FKBP4: variants seen among roughly 807,000 people sequenced by gnomAD.
FKBP4 encodes the protein FKBP prolyl isomerase 4.
Under a neutral mutation model 54.1 loss-of-function variants are expected in FKBP4, and 28 were observed. The ratio of observed to expected loss-of-function variants is 0.52; its 90% CI spans 0.38 to 0.71. The LOEUF (loss-of-function observed/expected upper bound fraction) is 0.71. Ranked by LOEUF, FKBP4 falls within the 30% of genes least tolerant of loss-of-function variation. The probability of loss-of-function intolerance (pLI) is 0.00; values close to 1 mark genes in which losing one functional copy is unlikely to be tolerated. For missense variants in FKBP4, 493 were observed against 574.4 expected (o/e 0.86, Z 1.45); for synonymous variants, 223 against 216.1 (o/e 1.03, Z -0.28).
chr12:2,796,371 A>T, intron 1 of FKBP4: 1 of 1,289,142 alleles, frequency 7.8e-7, no homozygotes, highest in Non-Finnish European at 1.0e-6. Flanking sequence ...TATTCCAGGA[A>T]AGCTCATTTC....
chr12:2,795,171 G>A lies in FKBP4; in HGVS notation c.32G>A (p.Ser11Asn). MTAEEMKATESGAQSAPLPME... is the reference protein window; with the variant it reads MTAEEMKATENGAQSAPLPME... ...GCCGAGGAGATGAAGGCGACCGAGA[G>A]CGGGGCGCAGTCGGCGCCGCTGCCC... The change falls in exon 1 of 10, where the codon AGC (serine) becomes AAC (asparagine). Residue 11 changes from serine (S) to asparagine (N), a missense_variant. Coordinates refer to ENST00000001008, the MANE Select transcript of FKBP4 (RefSeq NM_002014.4). This position sits in a 1 kb window ranked among gnomAD's most constrained non-coding sequence, Gnocchi z 4.3. The A allele has an allele frequency of 2.3e-6, 3 of 1,317,046 alleles. No homozygotes were observed. Among genetic ancestry groups the A allele is most frequent in the Non-Finnish European group, 2.9e-6 (3 of 1,024,648 alleles). 81.6% of individuals were successfully genotyped at this position (1,317,046 alleles called of 1,614,324 possible). A position where few individuals can be genotyped will look rare whatever the true frequency, so the allele number is the denominator to read the frequency against.
At chr12:2,796,241 G>A (rs1209065115) in intron 1 of FKBP4, 13 of 1,289,246 alleles carry the variant, frequency 1.0e-5, no homozygotes, top group East Asian at 5.5e-5. Context: ...ACCTGGTCCA[G>A]AAGTGCATCT....
At chr12:2,799,383 A>C in intron 5 of FKBP4, 139 bp downstream of exon 5, 5 of 922,960 alleles carry the variant, frequency 5.4e-6, no homozygotes, top group Non-Finnish European at 7.6e-6. Flanking sequence ...TCCTCAGTGT[A>C]CTTAGAAGTA....
At chr12:2,801,683 G>C (rs767123147) in intron 9 of FKBP4, 1 of 485,062 alleles carries the variant, frequency 2.1e-6, no homozygotes, top group Non-Finnish European at 4.1e-6. Flanking sequence ...GAACCCAGTA[G>C]GTAGAGACCT....
intron 1 of FKBP4, 62 bp from the exon 2 acceptor site, chr12:2,797,076 A>T (rs1055857757): frequency 3.7e-6 from 6 of 1,600,624 alleles, no homozygotes; most frequent in Non-Finnish European, 5.1e-6. Flanking sequence ...GCTTGCAGGC[A>T]GTGCTGGTGC....
chr12:2,799,165 C>T lies in FKBP4; in HGVS notation c.592C>T (p.Leu198=), dbSNP rs1410448061. 6.3e-7 allele frequency: 1 copy of T among 1,595,212 alleles called. No individual in the cohort carries two copies. Among genetic ancestry groups the T allele is most frequent in the South Asian group, 1.1e-5 (1 of 87,946 alleles). ...CTTTGAGATTGGCGAGGGGGAGAACCTGGATCTGCCTTATGGTCTGGAGAG... is the reference window on the plus strand; with the variant it reads ...CTTTGAGATTGGCGAGGGGGAGAACTTGGATCTGCCTTATGGTCTGGAGAG... ...LRFEIGEGEN[L]DLPYGLERAI... Residue 198 remains leucine (L), a synonymous_variant, in exon 5 of 10, where the codon CTG becomes TTG. Coordinates refer to ENST00000001008, the MANE Select transcript of FKBP4 (RefSeq NM_002014.4).
At position 2,803,145 on chromosome 12, in the gene FKBP4, T is replaced by C. The variant is rs1565398764; in HGVS notation, c.1273-6T>C. On this transcript the variant is annotated splice_polypyrimidine_tract_variant and splice_region_variant and intron_variant, in intron 9 of 9. Transcript: ENST00000001008. ...TCAGCCCGTTTGCTGTTCATCTTCCTTGCAGGCCAAGGCAGAGGCTTCCTC... is the reference window on the plus strand; with the variant it reads ...TCAGCCCGTTTGCTGTTCATCTTCCCTGCAGGCCAAGGCAGAGGCTTCCTC... The C allele has an allele frequency of 6.3e-7, 1 of 1,595,284 alleles. No individual in the cohort carries two copies. Among genetic ancestry groups the C allele is most frequent in the East Asian group, 2.3e-5 (1 of 44,010 alleles).
intron 2 of FKBP4, 148 bp from the exon 3 acceptor site, chr12:2,797,581 A>T: frequency 1.0e-6 from 1 of 978,310 alleles, no homozygotes; most frequent in Non-Finnish European, 1.5e-6. Context: ...GGTAGCACTT[A>T]ATACAACCAG....
At chr12:2,801,488 G>A in intron 9 of FKBP4, 132 bp downstream of exon 9, 1 of 1,277,696 alleles carries the variant, frequency 7.8e-7, no homozygotes, top group Non-Finnish European at 1.1e-6. Context: ...GAGCATTAAG[G>A]AGCACGTGTT....
At chr12:2,796,511 C>G in intron 1 of FKBP4, 4 of 1,200,318 alleles carry the variant, frequency 3.3e-6, no homozygotes, top group Non-Finnish European at 4.2e-6. Context: ...CTTTACGTTT[C>G]TGGGAAATAC....
Position 2,795,337 on chromosome 12 carries a change from C to A in FKBP4, c.105+93C>A. 1.9e-6 allele frequency: 1 copy of A among 514,306 alleles called. No individual in the cohort carries two copies. Among genetic ancestry groups the A allele is most frequent in the South Asian group, 8.5e-5 (1 of 11,746 alleles). The allele number at this position is 514,306 out of a possible 1,614,324, so 31.9% of individuals were successfully genotyped here. On this transcript the variant is annotated intron_variant, in intron 1 of 9. Coordinates refer to ENST00000001008, the MANE Select transcript of FKBP4 (RefSeq NM_002014.4). The surrounding 1 kb of genome is among the most constrained non-coding windows in gnomAD (Gnocchi z 4.3). Reference sequence around the variant, plus strand: ...CCGGAGCCCGCGGCCGGGCACGGGTCGAGGCGGCCGCCTTTGCAGCCTCGC... The same window carrying A: ...CCGGAGCCCGCGGCCGGGCACGGGTAGAGGCGGCCGCCTTTGCAGCCTCGC...
At position 2,795,074 on chromosome 12, in the gene FKBP4, C is replaced by A; in HGVS notation, c.-66C>A. On this transcript the variant is annotated 5_prime_UTR_variant, in exon 1 of 10. Transcript: ENST00000001008. The surrounding 1 kb of genome is among the most constrained non-coding windows in gnomAD (Gnocchi z 4.3). ...CCCGCACGCCCCGCAGGTAGCGCCCCCGCCCGCGGCCCAGAGTGCGCTCGC... is the reference window on the plus strand; with the variant it reads ...CCCGCACGCCCCGCAGGTAGCGCCCACGCCCGCGGCCCAGAGTGCGCTCGC... 1 of 1,059,328 alleles carries A rather than the reference C, an allele frequency of 9.4e-7. No individual in the cohort carries two copies. Among genetic ancestry groups the A allele is most frequent in the Non-Finnish European group, 1.2e-6 (1 of 824,178 alleles). The allele number at this position is 1,059,328 out of a possible 1,614,324, so 65.6% of individuals were successfully genotyped here. A position where few individuals can be genotyped will look rare whatever the true frequency, so the allele number is the denominator to read the frequency against.
At chr12:2,799,827 C>G in intron 5 of FKBP4, 23 bp from the exon 6 acceptor site, 1 of 1,601,576 alleles carries the variant, frequency 6.2e-7, no homozygotes, top group Non-Finnish European at 8.5e-7. Flanking sequence ...CAAGATGATA[C>G]ATAGTGTTTT....
intron 1 of FKBP4, chr12:2,796,298 C>T (rs1336092587): frequency 4.7e-6 from 6 of 1,289,102 alleles, no homozygotes; most frequent in Non-Finnish European, 6.1e-6. Flanking sequence ...GCTCCAGCGG[C>T]TCTCCTGTGG....
In FKBP4 at chr12:2,803,132, CT is replaced by C. The variant is rs1396989260; in HGVS notation, c.1273-18del. On this transcript the variant is annotated intron_variant, in intron 9 of 9. Transcript: ENST00000001008. ...TTCACTTGGGAAGTCAGCCCGTTTG[CT>C]GTTCATCTTCCTTGCAGGCCAAGGC... 1.3e-6 allele frequency: 2 copies of C among 1,561,472 alleles called. No individual in the cohort carries two copies. The highest frequency in any genetic ancestry group is 2.7e-5 in the African/African-American group (2 of 73,668).
Position 2,805,017 on chromosome 12 carries a change from A to G in FKBP4, c.*1759A>G, listed in dbSNP as rs1565399547. 9.6e-6 allele frequency: 3 copies of G among 313,890 alleles called. No homozygotes were observed. Among genetic ancestry groups the G allele is most frequent in the East Asian group, 2.0e-4 (2 of 9,880 alleles). The allele number at this position is 313,890 out of a possible 1,614,324, so 19.4% of individuals were successfully genotyped here. ...TGGGTCCTCTTGGTATTTCAAAAGT[A>G]GTAGATTCTTACGCCTGCAGCCAAC... is the stretch of plus-strand genomic sequence containing the variant. On this transcript the variant is annotated 3_prime_UTR_variant, in exon 10 of 10. Coordinates refer to ENST00000001008, the MANE Select transcript of FKBP4 (RefSeq NM_002014.4).
Position 2,798,720 on chromosome 12 carries a change from G to A in FKBP4, c.408G>A (p.Glu136=). The change falls in exon 4 of 10, where the codon GAG becomes GAA. Residue 136 remains glutamate (E), a synonymous_variant. Transcript: ENST00000001008. This position sits in a 1 kb window ranked among gnomAD's most constrained non-coding sequence, Gnocchi z 4.3. ...TTGTCCCACAGGTGGAGTTGTTTGA[G>A]TTTAAGGGAGAAGATCTGACGGAAG... is the stretch of plus-strand genomic sequence containing the variant. ...ATLVFEVELF[E]FKGEDLTEEE... is the part of the protein sequence containing the mutation. The A allele has an allele frequency of 1.2e-6, 2 of 1,613,814 alleles. No individual in the cohort carries two copies. The highest frequency in any genetic ancestry group is 1.7e-6 in the Non-Finnish European group (2 of 1,180,020).
Position 2,804,771 on chromosome 12 carries a change from C to A in FKBP4, c.*1513C>A. The A allele has an allele frequency of 6.1e-6, 1 of 163,148 alleles. No individual in the cohort carries two copies. The highest frequency in any genetic ancestry group is 1.3e-5 in the Non-Finnish European group (1 of 75,486). 10.1% of individuals were successfully genotyped at this position (163,148 alleles called of 1,614,324 possible). On this transcript the variant is annotated 3_prime_UTR_variant, in exon 10 of 10. Transcript: ENST00000001008. ...AAAATTTTCACCAAGTCATACAACACAGCTGATGCTGGAGCCAGGATTAAA... is the reference window on the plus strand; with the variant it reads ...AAAATTTTCACCAAGTCATACAACAAAGCTGATGCTGGAGCCAGGATTAAA...
At chr12:2,800,154 C>T (rs758479029) in intron 7 of FKBP4, 32 bp downstream of exon 7, 6 of 1,600,734 alleles carry the variant, frequency 3.7e-6, no homozygotes, top group Non-Finnish European at 4.3e-6. Context: ...TAAGGACACT[C>T]CCAGGAAGAG....
Sources: allele counts gnomAD v4.1 joint callset, GRCh38; gene constraint gnomAD v4.1.1; non-coding constraint Gnocchi (gnomAD v3.1); transcripts MANE v1.5; gene names NCBI Gene and HGNC (gene_info 2026-07-23, HGNC 2026-07-21).